The following SOCS6 variants were observed in gnomAD, a reference collection of about 807,000 sequenced individuals.
The protein encoded by SOCS6 is suppressor of cytokine signaling 6.
SOCS6 carries 5 observed loss-of-function variants against 27.7 expected under a neutral mutation model. The observed-to-expected ratio is 0.18, with a 90% confidence interval of 0.09 to 0.38. SOCS6 has a LOEUF of 0.38. Among genes scored for constraint, SOCS6 ranks in the 10% least tolerant of loss-of-function variants. The pLI is 1.00. For missense variants in SOCS6, 595 were observed against 688.1 expected (o/e 0.86, Z 1.51); for synonymous variants, 271 against 260.0 (o/e 1.04, Z -0.41).
chr18:70,309,687 T>A (rs1370583102), intron 1 of SOCS6, among the ~76,000 whole-genome samples: 4 of 152,190 alleles, frequency 2.6e-5, no homozygotes, highest in African/African-American at 9.6e-5. Context: ...GCCTTTATTT[T>A]TATTTTTATT....
intron 1 of SOCS6, among the ~76,000 whole-genome samples, chr18:70,324,175 G>C (rs769242147): frequency 6.6e-6 from 1 of 152,006 alleles, no homozygotes; most frequent in Admixed American, 6.6e-5. Context: ...GGTGGTGGGC[G>C]TCTGTAGTCC....
At chr18:70,294,524 T>G (rs2062315036) in intron 1 of SOCS6, among the ~76,000 whole-genome samples, 1 of 152,234 alleles carries the variant, frequency 6.6e-6, no homozygotes, top group Non-Finnish European at 1.5e-5. Flanking sequence ...TAAAACATAA[T>G]CTGACTAGTC....
At chr18:70,321,962 GTTAAGTAGTTGTTTGATCTTT>G (rs1433234780) in intron 1 of SOCS6, among the ~76,000 whole-genome samples, 1 of 152,092 alleles carries the variant, frequency 6.6e-6, no homozygotes, top group Non-Finnish European at 1.5e-5. Context: ...TTTATTGAAG[GTTAAGTAGTTGTTTGATCTTT>G]TTAATTTTTT....
intron 1 of SOCS6, among the ~76,000 whole-genome samples, chr18:70,303,346 A>G (rs1421400257): frequency 6.6e-6 from 1 of 152,164 alleles, no homozygotes; most frequent in South Asian, 2.1e-4. Context: ...GATGTTTCCA[A>G]TTTTTTTAAT....
At chr18:70,296,544 C>G (rs962594138) in intron 1 of SOCS6, 4 of 152,274 alleles carry the variant, frequency 2.6e-5, no homozygotes, top group African/African-American at 9.7e-5. Context: ...CATGCAAGGG[C>G]ACAAGGAGAG....
At chr18:70,289,433 G>C (rs1457955107) in intron 1 of SOCS6, among the ~76,000 whole-genome samples, 1 of 147,502 alleles carries the variant, frequency 6.8e-6, no homozygotes, top group Admixed American at 6.7e-5. Context: ...GGCTCTTCTC[G>C]ACCCCTCGGC....
At chr18:70,296,662 G>GC (rs1340074048) in intron 1 of SOCS6, 6 of 152,236 alleles carry the variant, frequency 3.9e-5, no homozygotes, top group Admixed American at 2.6e-4. Flanking sequence ...TAAGTCACAT[G>GC]CCGCCAGTTT....
chr18:70,294,070 A>C (rs964036680), intron 1 of SOCS6, among the ~76,000 whole-genome samples: 2 of 151,484 alleles, frequency 1.3e-5, no homozygotes, highest in African/African-American at 4.9e-5. Flanking sequence ...CAGCCTGGGC[A>C]ACAGAGCGAG....
chr18:70,298,039 G>A (rs1826820353), intron 1 of SOCS6, among the ~76,000 whole-genome samples: 1 of 152,162 alleles, frequency 6.6e-6, no homozygotes, highest in Non-Finnish European at 1.5e-5. Context: ...TCTGAGAGCA[G>A]TCATAACAGT....
At chr18:70,290,246 G>C (rs2062292795) in intron 1 of SOCS6, among the ~76,000 whole-genome samples, 1 of 152,140 alleles carries the variant, frequency 6.6e-6, no homozygotes, top group Non-Finnish European at 1.5e-5. Flanking sequence ...GATACATTTG[G>C]AATCAAACAA....
chr18:70,296,914 T>TTTTTTC (rs1392566786), intron 1 of SOCS6, among the ~76,000 whole-genome samples: 1 of 151,410 alleles, frequency 6.6e-6, no homozygotes, highest in Admixed American at 6.6e-5. Flanking sequence ...TTCTTTTTTT[T>TTTTTTC]TTTTCTGTCT....
chr18:70,318,411 A>T (rs1261363474), intron 1 of SOCS6, among the ~76,000 whole-genome samples: 5 of 152,160 alleles, frequency 3.3e-5, no homozygotes, highest in Non-Finnish European at 7.3e-5. Flanking sequence ...GGTGTTGGAG[A>T]TACAGTCATG....
chr18:70,315,015 A>T (rs2062405937), intron 1 of SOCS6, among the ~76,000 whole-genome samples: 1 of 152,118 alleles, frequency 6.6e-6, no homozygotes, highest in Non-Finnish European at 1.5e-5. Flanking sequence ...ATATATATTA[A>T]TAAACTTCCA....
chr18:70,320,188 C>G (rs1206997619), intron 1 of SOCS6, among the ~76,000 whole-genome samples: 2 of 152,032 alleles, frequency 1.3e-5, no homozygotes, highest in African/African-American at 4.8e-5. Flanking sequence ...GGGGTTTCAC[C>G]ATGTTGGCCA....
At chr18:70,296,908 T>TTC (rs202171078) in intron 1 of SOCS6, among the ~76,000 whole-genome samples, 26,342 of 149,194 alleles carry the variant, frequency 0.18, 3,219 homozygotes, top group African/African-American at 0.34. Context: ...TTTTCTTTCT[T>TTC]TTTTTTTTTT....
chr18:70,325,234 A>G lies in SOCS6; in HGVS notation c.566A>G (p.Asn189Ser), dbSNP rs748898454. The change falls in exon 2 of 2, where the codon AAT (asparagine) becomes AGT (serine). Residue 189 changes from asparagine (N) to serine (S), a missense_variant. Asn to Ser is a conservative substitution (Grantham distance 46). Around this residue, in one of 2 missense-constraint regions of SOCS6, gnomAD observed 467 missense variants for 481.1 expected, o/e 0.97. Transcript: ENST00000397942. The surrounding 1 kb of genome is among the most constrained non-coding windows in gnomAD (Gnocchi z 6.3). ...QSETTCQEQA[N>S]SLKSSASHNG... The stretch of plus-strand genomic sequence containing the variant: ...GAGACCACGTGCCAGGAGCAAGCCA[A>G]TTCACTGAAGAGCTCGGCTTCTCAT... 11 of 1,614,220 alleles carry G rather than the reference A, an allele frequency of 6.8e-6. No individual in the cohort carries two copies. In the South Asian group the frequency reaches 7.7e-5, roughly 11 times the overall value.
intron 1 of SOCS6, among the ~76,000 whole-genome samples, chr18:70,300,913 C>G (rs1682150): frequency 1.4e-4 from 22 of 152,166 alleles, no homozygotes; most frequent in African/African-American, 5.1e-4. Flanking sequence ...TGCAGTGTTC[C>G]TGTTGCATTT....
At position 70,325,249 on chromosome 18, in the gene SOCS6, C is replaced by T. The variant is rs773474063; in HGVS notation, c.581C>T (p.Ser194Leu). The T allele has an allele frequency of 3.1e-6, 5 of 1,614,048 alleles. No individual in the cohort carries two copies. The highest frequency in any genetic ancestry group is 1.7e-5 in the Admixed American group (1 of 59,996). Reference protein sequence around the residue: ...CQEQANSLKSSASHNGDLHLH... With the variant: ...CQEQANSLKSLASHNGDLHLH... ...GAGCAAGCCAATTCACTGAAGAGCTCGGCTTCTCATAATGGAGACCTGCAT... is the reference window on the plus strand; with the variant it reads ...GAGCAAGCCAATTCACTGAAGAGCTTGGCTTCTCATAATGGAGACCTGCAT... The change falls in exon 2 of 2, where the codon TCG (serine) becomes TTG (leucine). Residue 194 changes from serine to leucine, a missense_variant. Physicochemically the swap from Ser to Leu is moderately radical, Grantham distance 145. Coordinates refer to ENST00000397942, the MANE Select transcript of SOCS6 (RefSeq NM_004232.4). The surrounding 1 kb of genome is among the most constrained non-coding windows in gnomAD (Gnocchi z 6.3).
chr18:70,317,528 G>A (rs1293876813), intron 1 of SOCS6, among the ~76,000 whole-genome samples: 12 of 2,662 alleles, frequency 4.5e-3, no homozygotes, highest in Non-Finnish European at 1.0e-2. Flanking sequence ...ACATATATAC[G>A]TATATATACA....
Sources: gnomAD v4.1 joint callset for allele counts (sites outside exome capture counted in the v4.1 genomes callset) on GRCh38, gnomAD v4.1.1 for gene constraint, gnomAD v4.1.1 regional missense constraint, Gnocchi (gnomAD v3.1) non-coding constraint, MANE v1.5 for transcripts, NCBI Gene and HGNC (gene_info 2026-07-23, HGNC 2026-07-21) for gene names.